Variants in PIK3AP1 observed in about 807,000 individuals in gnomAD.
PIK3AP1 encodes phosphoinositide-3-kinase adaptor protein 1.
In PIK3AP1, 21 loss-of-function variants were observed where a neutral mutation model predicts 88.1. The observed-to-expected ratio is 0.24, with a 90% confidence interval of 0.17 to 0.34. The LOEUF (loss-of-function observed/expected upper bound fraction) is 0.34, where lower values mean the gene tolerates loss of function less well. PIK3AP1 is among the 10% of genes least tolerant of loss of function. PIK3AP1 has a pLI of 1.00. For missense variants in PIK3AP1, 828 were observed against 1,035.7 expected (o/e 0.80, Z 2.75); for synonymous variants, 398 against 400.0 (o/e 1.00, Z 0.06).
chr10:96,669,004 C>T (rs902060765), intron 2 of PIK3AP1, among the ~76,000 whole-genome samples: 10 of 152,124 alleles, frequency 6.6e-5, no homozygotes, highest in African/African-American at 1.4e-4. Flanking sequence ...TGGTGGCACA[C>T]GCCTGTAATC....
At chr10:96,662,888 C>CAAAAAAAAAAAA (rs749898725) in intron 2 of PIK3AP1, among the ~76,000 whole-genome samples, 5 of 22,574 alleles carry the variant, frequency 2.2e-4, no homozygotes, top group African/African-American at 3.6e-4. Context: ...GACTCCGTCT[C>CAAAAAAAAAAAA]AAAAAAAAAA....
At chr10:96,706,053 C>T (rs545389431) in intron 2 of PIK3AP1, among the ~76,000 whole-genome samples, 249 of 151,960 alleles carry the variant, frequency 1.6e-3, no homozygotes, top group Non-Finnish European at 2.8e-3. Context: ...GCCACCTCGC[C>T]CGACTAATTT....
intron 2 of PIK3AP1, among the ~76,000 whole-genome samples, chr10:96,692,388 A>C (rs1844165438): frequency 1.3e-5 from 2 of 152,114 alleles, no homozygotes. Flanking sequence ...ATCCTGGCCA[A>C]CATGGTGAAA....
intron 4 of PIK3AP1, 70 bp downstream of exon 4, chr10:96,652,628 T>C (rs146395798): frequency 1.3e-6 from 2 of 1,538,542 alleles, no homozygotes; most frequent in African/African-American, 1.4e-5. Flanking sequence ...CTGGCATTGG[T>C]GGCATTGGTG....
At chr10:96,641,985 T>A (rs1259864939) in intron 8 of PIK3AP1, among the ~76,000 whole-genome samples, 2 of 152,138 alleles carry the variant, frequency 1.3e-5, no homozygotes, top group Non-Finnish European at 2.9e-5. Flanking sequence ...TAAAATAAAT[T>A]ATTCCTCCCC....
chr10:96,650,859 G>C lies in PIK3AP1; in HGVS notation c.988+389C>G, dbSNP rs1379884735. ...GGAGTGTGGAGAGAGATGAGGGCTT[G>C]TTCACAGGTTAAGCAGTTTGGATTT... On this transcript the variant is annotated intron_variant, in intron 6 of 16. Coordinates refer to ENST00000339364, the MANE Select transcript of PIK3AP1 (RefSeq NM_152309.3). 2.0e-5 allele frequency among the ~76,000 whole-genome samples: 3 copies of C among 152,158 alleles called. 1 individual carries two copies. The highest frequency in any genetic ancestry group is 7.2e-5 in the African/African-American group (3 of 41,428).
chr10:96,693,706 C>G (rs1469698648), intron 2 of PIK3AP1, among the ~76,000 whole-genome samples: 1 of 152,198 alleles, frequency 6.6e-6, no homozygotes, highest in African/African-American at 2.4e-5. Flanking sequence ...TTATCCTGTT[C>G]TTGTGCAACT....
At chr10:96,690,465 T>C (rs189087306) in intron 2 of PIK3AP1, among the ~76,000 whole-genome samples, 2 of 152,174 alleles carry the variant, frequency 1.3e-5, no homozygotes, top group Non-Finnish European at 2.9e-5. Context: ...GATCTGACTA[T>C]GTTTCCCTGG....
At chr10:96,613,218 C>T (rs1025754569) in intron 13 of PIK3AP1, among the ~76,000 whole-genome samples, 19 of 151,810 alleles carry the variant, frequency 1.3e-4, no homozygotes, top group Admixed American at 5.2e-4. Flanking sequence ...AGGCTGCTCT[C>T]GAACTCCTGG....
At chr10:96,631,754 G>A (rs1358095068) in intron 8 of PIK3AP1, among the ~76,000 whole-genome samples, 5 of 151,936 alleles carry the variant, frequency 3.3e-5, no homozygotes, top group Admixed American at 6.6e-5. Context: ...ATGGTGGAGC[G>A]CACCTGTACT....
chr10:96,628,271 C>A, intron 9 of PIK3AP1, 127 bp downstream of exon 9: 2 of 838,166 alleles, frequency 2.4e-6, no homozygotes, highest in South Asian at 1.5e-5. Context: ...TGCCTTTATT[C>A]ACATCACATG....
At chr10:96,697,739 C>T (rs939799295) in intron 2 of PIK3AP1, among the ~76,000 whole-genome samples, 4 of 151,826 alleles carry the variant, frequency 2.6e-5, no homozygotes, top group Non-Finnish European at 5.9e-5. Context: ...AAACAAACAA[C>T]AAAAAGTAAC....
chr10:96,628,916 A>G (rs1843198731), intron 8 of PIK3AP1, among the ~76,000 whole-genome samples: 2 of 118,646 alleles, frequency 1.7e-5, no homozygotes, highest in South Asian at 2.9e-4. Context: ...ATGTGTATAT[A>G]TATATATATA....
intron 11 of PIK3AP1, 145 bp downstream of exon 11, chr10:96,623,325 AGT>A (rs1406885503): frequency 1.5e-6 from 1 of 682,192 alleles, no homozygotes; most frequent in Non-Finnish European, 2.3e-6. Flanking sequence ...AGCCTCCCAA[AGT>A]GCTGGGACTA....
intron 11 of PIK3AP1, among the ~76,000 whole-genome samples, chr10:96,623,255 G>T (rs117669297): frequency 0.018 from 2,804 of 151,924 alleles, 47 homozygotes; most frequent in Non-Finnish European, 0.024. Context: ...TAGAGACAGG[G>T]TCTCACTATG....
At chr10:96,636,203 C>A (rs959496841) in intron 8 of PIK3AP1, among the ~76,000 whole-genome samples, 1 of 151,566 alleles carries the variant, frequency 6.6e-6, no homozygotes, top group African/African-American at 2.4e-5. Context: ...GGTGACAGAG[C>A]AAGACTCCGT....
Position 96,709,750 on chromosome 10 carries a change from C to T in PIK3AP1, c.247G>A (p.Ala83Thr). 6.2e-7 allele frequency: 1 copy of T among 1,613,670 alleles called. No homozygotes were observed. Residue 83 changes from alanine to threonine, a missense_variant, in exon 2 of 17, where the codon GCC becomes ACC. Transcript: ENST00000339364. ...AELVQHFHKP[A>T]LLPLLQRAFH... ...GCTCTCTGCAGCAGGGGCAGCAAGG[C>T]GGGCTTGTGGAAGTGCTGCACCAGC...
chr10:96,707,909 G>A (rs977894220), intron 2 of PIK3AP1, among the ~76,000 whole-genome samples: 17 of 152,188 alleles, frequency 1.1e-4, no homozygotes, highest in Non-Finnish European at 2.9e-5. Context: ...GGCATTTCAG[G>A]TGAGACATGT....
intron 8 of PIK3AP1, among the ~76,000 whole-genome samples, chr10:96,634,813 T>G (rs1309159720): frequency 6.6e-6 from 1 of 152,216 alleles, no homozygotes; most frequent in Non-Finnish European, 1.5e-5. Flanking sequence ...GAAATAGGTC[T>G]CACTGGGTCA....
Sources: gnomAD v4.1 joint callset for allele counts (sites outside exome capture counted in the v4.1 genomes callset) on GRCh38, gnomAD v4.1.1 for gene constraint, MANE v1.5 for transcripts, NCBI Gene and HGNC (gene_info 2026-07-23, HGNC 2026-07-21) for gene names.